Variants in RAB11FIP4 observed in about 807,000 individuals in gnomAD.
RAB11FIP4 encodes the protein rab11 family-interacting protein 4.
RAB11FIP4 carries 23 observed loss-of-function variants against 74.3 expected under a neutral mutation model. The observed-to-expected ratio is 0.31, with a 90% CI of 0.22 to 0.44. The LOEUF (loss-of-function observed/expected upper bound fraction) is 0.44, where lower values mean the gene tolerates loss of function less well. Among genes scored for constraint, RAB11FIP4 ranks in the 20% least tolerant of loss-of-function variants. RAB11FIP4 has a pLI of 1.00. For synonymous variants in RAB11FIP4, 360 were observed against 359.9 expected (o/e 1.00, Z 0.00); for missense variants, 630 against 863.9 (o/e 0.73, Z 3.39).
At chr17:31,400,412 G>A (rs1490559254) in intron 1 of RAB11FIP4, among the ~76,000 whole-genome samples, 1 of 152,238 alleles carries the variant, frequency 6.6e-6, no homozygotes, top group African/African-American at 2.4e-5. Flanking sequence ...GCCAGTTCCT[G>A]TGGCCTTCCC....
At chr17:31,500,957 AG>A (rs2072208762) in intron 3 of RAB11FIP4, among the ~76,000 whole-genome samples, 1 of 151,732 alleles carries the variant, frequency 6.6e-6, no homozygotes, top group South Asian at 2.1e-4. Context: ...CGGGAGGCAG[AG>A]GTTGCAATGA....
At chr17:31,473,453 C>G (rs178898) in intron 3 of RAB11FIP4, among the ~76,000 whole-genome samples, 122,160 of 151,734 alleles carry the variant, frequency 0.81, 49,684 homozygotes, top group African/African-American at 0.92. Context: ...GAGATGGGAG[C>G]ATCACTGCAG....
At position 31,517,262 on chromosome 17, in the gene RAB11FIP4, T is replaced by G. The variant is rs78702768; in HGVS notation, c.337-389T>G. Among the ~76,000 whole-genome samples the G allele has an allele frequency of 4.9e-5, 7 of 143,654 alleles. No individual in the cohort carries two copies. The South Asian group carries it at 1.3e-3, about 27-fold the overall frequency. 94.2% of individuals were successfully genotyped at this position (143,654 alleles called of 152,430 possible). On this transcript the variant is annotated intron_variant, in intron 3 of 14. Transcript: ENST00000621161. ...GGAGTAGCTACTTGGGCTCGGAAAATTGGGGTTTTCCTTTTGATTTAGCTC... is the reference window on the plus strand; with the variant it reads ...GGAGTAGCTACTTGGGCTCGGAAAAGTGGGGTTTTCCTTTTGATTTAGCTC...
At chr17:31,413,706 C>T (rs2071121239) in intron 1 of RAB11FIP4, among the ~76,000 whole-genome samples, 1 of 152,138 alleles carries the variant, frequency 6.6e-6, no homozygotes, top group African/African-American at 2.4e-5. Context: ...CCCAAGCCCT[C>T]TGGGCTGTCT....
intron 3 of RAB11FIP4, among the ~76,000 whole-genome samples, chr17:31,445,527 C>CAA (rs1410884729): frequency 9.6e-6 from 1 of 103,638 alleles, no homozygotes; most frequent in Non-Finnish European, 1.9e-5. Flanking sequence ...CAAATTTTCC[C>CAA]AATTTTATAT....
intron 1 of RAB11FIP4, among the ~76,000 whole-genome samples, chr17:31,426,822 A>G (rs1002666595): frequency 2.6e-5 from 4 of 151,850 alleles, no homozygotes; most frequent in South Asian, 2.1e-4. Context: ...GGATGGTCTC[A>G]ATCTCTTGAC....
rs1255481574 is a variant in RAB11FIP4, at chr17:31,488,605, G to T, written c.337-29046G>T. The stretch of plus-strand genomic sequence containing the variant: ...CGGGATCGGCGTGGTACCCAGCGCC[G>T]TACCCTTGGGCCGGGTCCCCGAGGG... On this transcript the variant is annotated intron_variant, in intron 3 of 14. Transcript: ENST00000621161. Among the ~76,000 whole-genome samples, 5 of 152,348 alleles carry T rather than the reference G, an allele frequency of 3.3e-5. No homozygotes were observed. The South Asian group carries it at 1.0e-3, about 32-fold the overall frequency.
chr17:31,501,860 A>G lies in RAB11FIP4; in HGVS notation c.337-15791A>G, dbSNP rs115843580. 1,038 of 157,168 alleles carry G rather than the reference A, an allele frequency of 6.6e-3. 12 individuals carry two copies. Among genetic ancestry groups the G allele is most frequent in the African/African-American group, 0.023 (977 of 41,712 alleles). The allele number at this position is 157,168 out of a possible 1,614,324, so 9.7% of individuals were successfully genotyped here. A position where few individuals can be genotyped will look rare whatever the true frequency, so the allele number is the denominator to read the frequency against. ...GCTGAAAGTGAAAGACAATGCTCTT[A>G]TGGGTACTTGAAGTATGACTTCTAC... On this transcript the variant is annotated intron_variant, in intron 3 of 14. Transcript: ENST00000621161.
chr17:31,425,498 TAATC>T lies in RAB11FIP4; in HGVS notation c.160-6309_160-6306del, dbSNP rs577109591. On this transcript the variant is annotated intron_variant, in intron 1 of 14. Transcript: ENST00000621161. ...ATGGGTTCAGGGAGTATCTGGCTGG[TAATC>T]AATCAGACAGCAACGGCAACGAAGC... Among the ~76,000 whole-genome samples, 10 of 152,282 alleles carry T rather than the reference TAATC, an allele frequency of 6.6e-5. No homozygotes were observed. In the East Asian group the frequency reaches 1.5e-3, roughly 24 times the overall value.
intron 1 of RAB11FIP4, among the ~76,000 whole-genome samples, chr17:31,425,955 C>G (rs1361620886): frequency 6.6e-6 from 1 of 152,218 alleles, no homozygotes; most frequent in Non-Finnish European, 1.5e-5. Flanking sequence ...AAACCCCTCC[C>G]CCCGCTGGGA....
intron 3 of RAB11FIP4, among the ~76,000 whole-genome samples, chr17:31,439,888 C>T (rs761360645): frequency 1.4e-4 from 22 of 152,156 alleles, no homozygotes; most frequent in Admixed American, 2.6e-4. Context: ...CTGCCCACCT[C>T]GGCCTCCCAA....
intron 1 of RAB11FIP4, among the ~76,000 whole-genome samples, chr17:31,428,976 A>G (rs2071280021): frequency 6.6e-6 from 1 of 151,636 alleles, no homozygotes; most frequent in Admixed American, 6.6e-5. Flanking sequence ...GATGATGATG[A>G]TGATTATTAT....
chr17:31,517,753 C>T lies in RAB11FIP4; in HGVS notation c.439C>T (p.Pro147Ser). ...GGAGGAGGCTATGACGCTGGCGCCACCTGAGGGCCCCCAGGAGTTGTACAC... is the reference window on the plus strand; with the variant it reads ...GGAGGAGGCTATGACGCTGGCGCCATCTGAGGGCCCCCAGGAGTTGTACAC... ...DEEEAMTLAPPEGPQELYTDS... is the reference protein window; with the variant it reads ...DEEEAMTLAPSEGPQELYTDS... The change falls in exon 4 of 15, where the codon CCT (proline) becomes TCT (serine). Residue 147 changes from proline to serine, a missense_variant. Transcript: ENST00000621161. 1 of 1,579,584 alleles carries T rather than the reference C, an allele frequency of 6.3e-7. No individual in the cohort carries two copies.
intron 10 of RAB11FIP4, chr17:31,527,616 G>C (rs2072789048): frequency 2.3e-6 from 1 of 430,898 alleles, no homozygotes; most frequent in Non-Finnish European, 3.9e-6. Flanking sequence ...AAGAAAATAA[G>C]AATGATAATT....
In RAB11FIP4 at chr17:31,530,451, C is replaced by T. The variant is rs1279213914; in HGVS notation, c.1779C>T (p.Asp593=). The change falls in exon 14 of 15, where the codon GAC becomes GAT. Residue 593 remains aspartate (D), a synonymous_variant. Coordinates refer to ENST00000621161, the MANE Select transcript of RAB11FIP4 (RefSeq NM_032932.6). ...TKAQSLAAEI[D]TASRDELMEA... ...CCCAGTCTCTGGCTGCGGAGATAGACACCGCCTCGCGCGATGAGGTAACCA... is the reference window on the plus strand; with the variant it reads ...CCCAGTCTCTGGCTGCGGAGATAGATACCGCCTCGCGCGATGAGGTAACCA... 6.2e-7 allele frequency: 1 copy of T among 1,613,904 alleles called. No homozygotes were observed. The highest frequency in any genetic ancestry group is 1.3e-5 in the African/African-American group (1 of 75,056).
intron 3 of RAB11FIP4, among the ~76,000 whole-genome samples, chr17:31,453,355 CAAA>C (rs747844559): frequency 0.29 from 20,173 of 70,080 alleles, 1,001 homozygotes; most frequent in South Asian, 0.39. Flanking sequence ...GACCCTACCT[CAAA>C]AAAAAAAAAA....
intron 3 of RAB11FIP4, among the ~76,000 whole-genome samples, chr17:31,490,191 G>A (rs2071981797): frequency 6.6e-6 from 1 of 152,116 alleles, no homozygotes; most frequent in Non-Finnish European, 1.5e-5. Flanking sequence ...TCTAAAGCAT[G>A]CTAGTGCCTT....
chr17:31,478,690 C>T (rs2071818838), intron 3 of RAB11FIP4, among the ~76,000 whole-genome samples: 1 of 152,220 alleles, frequency 6.6e-6, no homozygotes. Flanking sequence ...AGGGAAATGG[C>T]AGGATGCATC....
intron 1 of RAB11FIP4, among the ~76,000 whole-genome samples, chr17:31,410,247 G>T (rs564064184): frequency 3.0e-4 from 46 of 152,226 alleles, no homozygotes; most frequent in Non-Finnish European, 6.0e-4. Context: ...GGGCTCTTGT[G>T]GGGATAGGGA....
Sources: allele counts gnomAD v4.1 joint callset (sites outside exome capture counted in the v4.1 genomes callset), GRCh38; gene constraint gnomAD v4.1.1; transcripts MANE v1.5; gene names NCBI Gene and HGNC (gene_info 2026-07-23, HGNC 2026-07-21).